LINC00237: variants seen among roughly 807,000 people sequenced by gnomAD.
The protein encoded by LINC00237 is long independently transcribed non-coding RNA 237, also known as long intergenic non-protein coding RNA 237.
At chr20:21,089,099 T>C (rs1232410594) in intron 2 of LINC00237, among the ~76,000 whole-genome samples, 2 of 151,686 alleles carry the variant, frequency 1.3e-5, no homozygotes, top group Non-Finnish European at 2.9e-5. Context: ...CGTGTATGTG[T>C]GTGCATGTGT....
chr20:21,105,300 A>G (rs1456812822), intron 1 of LINC00237, among the ~76,000 whole-genome samples: 3 of 129,498 alleles, frequency 2.3e-5, no homozygotes, highest in Non-Finnish European at 5.0e-5. Flanking sequence ...CCCCACCCCA[A>G]GGTGTTGTTT....
intron 1 of LINC00237, among the ~76,000 whole-genome samples, chr20:21,095,048 T>G: frequency 2.0e-5 from 3 of 152,158 alleles, no homozygotes; most frequent in East Asian, 3.9e-4. Context: ...AGACTCTGTC[T>G]CAAAAATAAA....
At chr20:21,100,498 G>A (rs927897175) in intron 1 of LINC00237, among the ~76,000 whole-genome samples, 3 of 152,260 alleles carry the variant, frequency 2.0e-5, no homozygotes, top group Admixed American at 6.5e-5. Flanking sequence ...TTCCTCCACC[G>A]CTGCCTACAA....
rs529068757 is a variant in LINC00237, at chr20:21,094,752, G to GT, written n.89-901dup. On this transcript the variant is annotated intron_variant and non_coding_transcript_variant, in intron 1 of 3. Transcript: ENST00000691244. ...TGGGCCACATGGCCAGATCCTGTCTGTTAAAAAAATAAATAGTCTGGGCAC... is the reference window on the plus strand; with the variant it reads ...TGGGCCACATGGCCAGATCCTGTCTGTTTAAAAAAATAAATAGTCTGGGCAC... Among the ~76,000 whole-genome samples, 28 of 152,104 alleles carry GT rather than the reference G, an allele frequency of 1.8e-4. No homozygotes were observed. In the South Asian group the frequency reaches 5.6e-3, roughly 30 times the overall value.
intron 2 of LINC00237, chr20:21,089,575 A>G (rs916563970): frequency 6.6e-6 from 1 of 152,188 alleles, no homozygotes; most frequent in African/African-American, 2.4e-5. Context: ...CTGCACAGGA[A>G]GAATTGGGCT....
At chr20:21,086,736 A>G (rs1322924464) in intron 3 of LINC00237, among the ~76,000 whole-genome samples, 1 of 64,376 alleles carries the variant, frequency 1.6e-5, no homozygotes, top group East Asian at 3.7e-4. Context: ...ATAGTATACT[A>G]TACTATACAT....
chr20:21,097,891 C>T (rs1216515902), intron 1 of LINC00237, among the ~76,000 whole-genome samples: 1 of 152,136 alleles, frequency 6.6e-6, no homozygotes, highest in African/African-American at 2.4e-5. Flanking sequence ...GACGGCTTTT[C>T]TGGAGAGGGC....
chr20:21,105,151 G>A (rs1223674289), intron 1 of LINC00237, among the ~76,000 whole-genome samples: 1 of 152,160 alleles, frequency 6.6e-6, no homozygotes, highest in African/African-American at 2.4e-5. Context: ...TCAGCCCACC[G>A]GGTCCCCTTT....
At chr20:21,097,332 C>T (rs1202474131) in intron 1 of LINC00237, among the ~76,000 whole-genome samples, 1 of 151,962 alleles carries the variant, frequency 6.6e-6, no homozygotes, top group East Asian at 1.9e-4. Context: ...TTCAAATTCA[C>T]TTTTTGACTG....
chr20:21,095,968 T>C (rs1228597176), intron 1 of LINC00237, among the ~76,000 whole-genome samples: 1 of 152,228 alleles, frequency 6.6e-6, no homozygotes, highest in Non-Finnish European at 1.5e-5. Flanking sequence ...GAGCTCACAG[T>C]AGAATTAAAT....
At chr20:21,100,813 C>T (rs929294701) in intron 1 of LINC00237, among the ~76,000 whole-genome samples, 2 of 152,108 alleles carry the variant, frequency 1.3e-5, no homozygotes, top group African/African-American at 4.8e-5. Context: ...GGTTGTAAGA[C>T]AGGAGGTTTC....
intron 1 of LINC00237, among the ~76,000 whole-genome samples, chr20:21,102,313 A>G (rs1356180427): frequency 1.3e-5 from 2 of 152,212 alleles, no homozygotes. Flanking sequence ...CCTACACCAG[A>G]GAGGGGAATT....
chr20:21,105,543 A>T (rs1429117479), intron 1 of LINC00237, among the ~76,000 whole-genome samples: 1 of 152,128 alleles, frequency 6.6e-6, no homozygotes. Context: ...CGGCAGGGAC[A>T]GTGTGAGCGC....
At chr20:21,091,966 G>C (rs1305280422) in intron 2 of LINC00237, among the ~76,000 whole-genome samples, 3 of 152,080 alleles carry the variant, frequency 2.0e-5, no homozygotes, top group African/African-American at 7.2e-5. Flanking sequence ...TTTTGAGAGA[G>C]GAGTTTTGTA....
At chr20:21,098,553 T>A (rs754763845) in intron 1 of LINC00237, among the ~76,000 whole-genome samples, 11 of 152,230 alleles carry the variant, frequency 7.2e-5, no homozygotes, top group Admixed American at 2.0e-4. Flanking sequence ...CTGAAGGGCT[T>A]GCCTGTATTT....
chr20:21,099,633 G>A (rs2030904609), intron 1 of LINC00237, among the ~76,000 whole-genome samples: 1 of 152,132 alleles, frequency 6.6e-6, no homozygotes, highest in Non-Finnish European at 1.5e-5. Flanking sequence ...ACGACCTGCT[G>A]ACACCCTGAT....
chr20:21,094,345 T>C (rs560577422), intron 1 of LINC00237, among the ~76,000 whole-genome samples: 33 of 152,310 alleles, frequency 2.2e-4, no homozygotes, highest in African/African-American at 7.2e-4. Context: ...AGAGTGTTCT[T>C]GGAGCTCTAA....
At chr20:21,102,048 G>T (rs1475025064) in intron 1 of LINC00237, among the ~76,000 whole-genome samples, 4 of 152,254 alleles carry the variant, frequency 2.6e-5, no homozygotes, top group Non-Finnish European at 4.4e-5. Flanking sequence ...TGGGCATCGC[G>T]GTATCTTCCC....
intron 2 of LINC00237, among the ~76,000 whole-genome samples, chr20:21,091,362 A>G (rs555475506): frequency 3.4e-4 from 52 of 152,290 alleles, no homozygotes; most frequent in Middle Eastern, 3.4e-3. Flanking sequence ...GGACCATTTT[A>G]ATCTTTCATT....
Sources: allele counts gnomAD v4.1 joint callset (sites outside exome capture counted in the v4.1 genomes callset), GRCh38; gene constraint gnomAD v4.1.1; transcripts MANE v1.5; gene names NCBI Gene and HGNC (gene_info 2026-07-23, HGNC 2026-07-21).